The following DOCK2 variants were observed in gnomAD, a reference collection of about 807,000 sequenced individuals.
DOCK2 encodes the protein dedicator of cytokinesis 2, also known as dedicator of cytokinesis protein 2.
In DOCK2, 87 loss-of-function variants were observed where a neutral mutation model predicts 248.9. That is an observed-to-expected ratio of 0.35 (90% CI 0.29 to 0.42). DOCK2 has a LOEUF of 0.42. Ranked by LOEUF, DOCK2 falls within the 10% of genes least tolerant of loss-of-function variation. The pLI, the probability that DOCK2 is intolerant of heterozygous loss-of-function variation, is 1.00. For missense variants in DOCK2, 1,747 were observed against 2,300.2 expected (o/e 0.76, Z 4.92); for synonymous variants, 805 against 821.6 (o/e 0.98, Z 0.35).
In DOCK2 at chr5:169,971,719, C is replaced by T. The variant is rs147622744; in HGVS notation, c.2800-11349C>T. 2.6e-3 allele frequency among the ~76,000 whole-genome samples: 402 copies of T among 152,320 alleles called. 2 individuals carry two copies. The highest frequency in any genetic ancestry group is 4.3e-3 in the Non-Finnish European group (292 of 68,040). On this transcript the variant is annotated intron_variant, in intron 27 of 51. Coordinates refer to ENST00000520908, the MANE Select transcript of DOCK2 (RefSeq NM_004946.3). ...CTCAAGACCTCGTCAGCAGAGCTGGCCTGAAGGCAACACAGTAGGCAGGTG... is the reference window on the plus strand; with the variant it reads ...CTCAAGACCTCGTCAGCAGAGCTGGTCTGAAGGCAACACAGTAGGCAGGTG...
intron 27 of DOCK2, among the ~76,000 whole-genome samples, chr5:169,864,811 G>A (rs993019987): frequency 2.6e-5 from 4 of 152,116 alleles, no homozygotes; most frequent in Non-Finnish European, 5.9e-5. Context: ...AAAAAATTGA[G>A]ATAATGCAGA....
At chr5:169,830,775 A>G (rs534402868) in intron 26 of DOCK2, among the ~76,000 whole-genome samples, 2 of 152,296 alleles carry the variant, frequency 1.3e-5, no homozygotes, top group African/African-American at 4.8e-5. Context: ...ATGTTAGCCC[A>G]TGTTACTTTG....
rs181184602 is a variant in DOCK2, at chr5:170,056,729, C to T, written c.4341C>T (p.Pro1447=). 1.5e-4 allele frequency: 238 copies of T among 1,614,032 alleles called. No homozygotes were observed. Among genetic ancestry groups the T allele is most frequent in the Admixed American group, 2.2e-4 (13 of 60,016 alleles). Residue 1447 remains proline (P), a synonymous_variant, in exon 43 of 52, where the codon CCC becomes CCT. Coordinates refer to ENST00000520908, the MANE Select transcript of DOCK2 (RefSeq NM_004946.3). The part of the protein sequence containing the change: ...NYVQRFHYSR[P]VRRGTVDPEN... ...TGCAAAGGTTCCACTACTCCCGGCC[C>T]GTGCGCAGGGGGACCGTAGACCCAG...
At chr5:169,863,874 C>T (rs72842503) in intron 27 of DOCK2, among the ~76,000 whole-genome samples, 1,893 of 152,250 alleles carry the variant, frequency 0.012, 19 homozygotes, top group Non-Finnish European at 0.019. Context: ...TCCGGGTCTG[C>T]ACAACACTAT....
chr5:169,956,257 G>A (rs1372241241), intron 27 of DOCK2, among the ~76,000 whole-genome samples: 3 of 152,202 alleles, frequency 2.0e-5, no homozygotes, highest in South Asian at 2.1e-4. Flanking sequence ...TTCTTTAAGT[G>A]TGTGCAAGAA....
intron 27 of DOCK2, among the ~76,000 whole-genome samples, chr5:169,865,250 C>T (rs1028010930): frequency 1.3e-5 from 2 of 152,116 alleles, no homozygotes; most frequent in Non-Finnish European, 2.9e-5. Context: ...TGCATTGTCC[C>T]GTGCTGATTA....
chr5:169,962,606 T>C (rs971104926), intron 27 of DOCK2, among the ~76,000 whole-genome samples: 5 of 152,108 alleles, frequency 3.3e-5, no homozygotes, highest in Non-Finnish European at 7.4e-5. Context: ...TCAGGCTCCA[T>C]GGTGGGTTAG....
At chr5:170,063,227 C>T (rs1285311738) in intron 44 of DOCK2, among the ~76,000 whole-genome samples, 1 of 152,162 alleles carries the variant, frequency 6.6e-6, no homozygotes. Flanking sequence ...AAAATTGCAA[C>T]CCCCTATTCC....
At chr5:169,664,117 T>A (rs769746846) in intron 2 of DOCK2, among the ~76,000 whole-genome samples, 3 of 152,252 alleles carry the variant, frequency 2.0e-5, no homozygotes, top group Non-Finnish European at 4.4e-5. Context: ...AAATTTATTC[T>A]GCCAGATACC....
At chr5:169,756,839 C>T (rs573448460) in intron 23 of DOCK2, among the ~76,000 whole-genome samples, 5 of 151,762 alleles carry the variant, frequency 3.3e-5, no homozygotes, top group South Asian at 2.1e-4. Context: ...GCAGGAGAAT[C>T]GCTTGAACCT....
At chr5:169,804,497 TGCGC>T (rs1358301781) in intron 26 of DOCK2, among the ~76,000 whole-genome samples, 23 of 32,218 alleles carry the variant, frequency 7.1e-4, no homozygotes, top group African/African-American at 1.3e-3. Flanking sequence ...CGCGCGCGCG[TGCGC>T]GTAAGCATTT....
intron 32 of DOCK2, 60 bp from the exon 33 acceptor site, chr5:170,018,900 G>A (rs1218444219): frequency 1.2e-5 from 19 of 1,577,510 alleles, no homozygotes; most frequent in Admixed American, 1.1e-4. Flanking sequence ...AGGCTTGGTC[G>A]GAGGAGGACC....
At chr5:169,645,805 C>T (rs531378658) in intron 1 of DOCK2, among the ~76,000 whole-genome samples, 1 of 151,936 alleles carries the variant, frequency 6.6e-6, no homozygotes, top group Non-Finnish European at 1.5e-5. Context: ...TGGAGTGCAG[C>T]GGAGCAATCT....
At chr5:170,028,257 T>C (rs2113831629) in intron 34 of DOCK2, among the ~76,000 whole-genome samples, 1 of 152,360 alleles carries the variant, frequency 6.6e-6, no homozygotes, top group South Asian at 2.1e-4. Context: ...TTTTTCCTTC[T>C]ATTTAAATTT....
intron 23 of DOCK2, among the ~76,000 whole-genome samples, chr5:169,757,638 C>T (rs569917303): frequency 2.0e-5 from 3 of 152,094 alleles, no homozygotes; most frequent in South Asian, 2.1e-4. Flanking sequence ...TCTTTCTATG[C>T]AATGGAACAA....
At chr5:170,028,899 T>C (rs1420175890) in intron 34 of DOCK2, among the ~76,000 whole-genome samples, 1 of 152,230 alleles carries the variant, frequency 6.6e-6, no homozygotes, top group Non-Finnish European at 1.5e-5. Context: ...CTTAATGCCT[T>C]TTAATTGCCA....
chr5:169,681,958 A>C (rs1465588267), intron 7 of DOCK2, 79 bp downstream of exon 7: 1 of 1,565,306 alleles, frequency 6.4e-7, no homozygotes, highest in African/African-American at 1.4e-5. Flanking sequence ...GGGCTAATGA[A>C]CCAGACTGTG....
At chr5:169,698,903 C>T (rs956079527) in intron 11 of DOCK2, among the ~76,000 whole-genome samples, 1 of 152,140 alleles carries the variant, frequency 6.6e-6, no homozygotes, top group African/African-American at 2.4e-5. Context: ...TAGACGTATC[C>T]ATGACTTAGG....
chr5:170,055,637 C>CA (rs1254235964), intron 42 of DOCK2, among the ~76,000 whole-genome samples: 2 of 152,264 alleles, frequency 1.3e-5, no homozygotes, highest in Non-Finnish European at 2.9e-5. Flanking sequence ...AAGCATCGAG[C>CA]ATTTGCTCAA....
Sources: allele counts gnomAD v4.1 joint callset (sites outside exome capture counted in the v4.1 genomes callset), GRCh38; gene constraint gnomAD v4.1.1; transcripts MANE v1.5; gene names NCBI Gene and HGNC (gene_info 2026-07-23, HGNC 2026-07-21).